CDKL3: variants seen among roughly 807,000 people sequenced by gnomAD.
The protein encoded by CDKL3 is cyclin-dependent kinase-like 3.
A neutral mutation model predicts 69.3 loss-of-function variants in CDKL3; 65 were observed. The observed-to-expected ratio is 0.94, with a 90% CI of 0.77 to 1.15. The LOEUF (loss-of-function observed/expected upper bound fraction) is 1.15. Among genes scored for constraint, CDKL3 ranks in the 50% most tolerant of loss-of-function variants. CDKL3 has a pLI of 0.00. For missense variants in CDKL3, 652 were observed against 689.2 expected (o/e 0.95, Z 0.61); for synonymous variants, 202 against 221.6 (o/e 0.91, Z 0.79).
chr5:134,363,585 C>T (rs530081284), intron 2 of CDKL3, among the ~76,000 whole-genome samples: 22 of 151,732 alleles, frequency 1.4e-4, no homozygotes, highest in Admixed American at 4.6e-4. Context: ...CTCAGCCTCC[C>T]GAGTAGCTGG....
intron 4 of CDKL3, among the ~76,000 whole-genome samples, chr5:134,339,258 A>G (rs368964663): frequency 6.0e-5 from 9 of 151,246 alleles, no homozygotes; most frequent in South Asian, 4.2e-4. Context: ...CTGGAGGGGG[A>G]AAAAAACCTC....
At chr5:134,309,039 T>C (rs1442954438) in intron 7 of CDKL3, among the ~76,000 whole-genome samples, 1 of 152,188 alleles carries the variant, frequency 6.6e-6, no homozygotes, top group Non-Finnish European at 1.5e-5. Flanking sequence ...TTGATAAAGA[T>C]ACTGTTATTT....
chr5:134,298,786 A>T (rs1580769719), intron 12 of CDKL3, 76 bp from the exon 13 acceptor site: 1 of 1,545,720 alleles, frequency 6.5e-7, no homozygotes, highest in East Asian at 2.3e-5. Flanking sequence ...TGACTTTATT[A>T]ATGCTAAATT....
chr5:134,294,762 AG>A (rs549336100), downstream of CDKL3, among the ~76,000 whole-genome samples: 596 of 152,274 alleles, frequency 3.9e-3, 2 homozygotes, highest in Non-Finnish European at 7.0e-3. Flanking sequence ...GCAAGGTCTC[AG>A]GATACAAGAT....
intron 8 of CDKL3, among the ~76,000 whole-genome samples, chr5:134,292,712 A>C (rs1765173642): frequency 6.6e-6 from 1 of 152,090 alleles, no homozygotes. Flanking sequence ...TAATAAAAAA[A>C]AGGAAGAGAG....
chr5:134,309,266 G>C (rs1173743453), intron 7 of CDKL3, among the ~76,000 whole-genome samples: 1 of 152,088 alleles, frequency 6.6e-6, no homozygotes, highest in East Asian at 1.9e-4. Context: ...ATTTTTAGTA[G>C]AGACGCGGTT....
rs543293323 is a variant in CDKL3, at chr5:134,346,530, CTTG to C, written c.539+3716_539+3718del. On this transcript the variant is annotated intron_variant, in intron 4 of 12. Transcript: ENST00000265334. The stretch of plus-strand genomic sequence containing the variant: ...TTTGTTTTTGAGACGGAGTTTCGCT[CTTG>C]TTGCCCAGGCTGAGGTGCTGCGGTG... 5.8e-3 allele frequency among the ~76,000 whole-genome samples: 881 copies of C among 152,284 alleles called. 3 individuals carry two copies. Among genetic ancestry groups the C allele is most frequent in the Middle Eastern group, 0.031 (9 of 294 alleles).
downstream of CDKL3, chr5:134,286,383 C>T (rs1764861895): frequency 5.8e-6 from 1 of 171,622 alleles, no homozygotes. Context: ...CTAGAAAGTT[C>T]CAAACTTTCC....
intron 1 of CDKL3, among the ~76,000 whole-genome samples, 179 bp downstream of exon 1, chr5:134,366,798 C>G (rs1379507281): frequency 6.6e-6 from 1 of 151,858 alleles, no homozygotes; most frequent in Non-Finnish European, 1.5e-5. Context: ...CCCATCAACA[C>G]TGAGACTACC....
chr5:134,299,617 T>A, intron 12 of CDKL3: 1 of 1,439,064 alleles, frequency 6.9e-7, no homozygotes, highest in Non-Finnish European at 9.2e-7. Context: ...CATTTTTGTG[T>A]ATGTAACATT....
rs182497366 is a variant in CDKL3 at position 134,351,605 on chromosome 5, A to G, written c.361-1178T>C. ...GCGTGTCTGTAGTCCTACAGCCTAC[A>G]GTATTAGGACTACTGGCTAATTAAA... On this transcript the variant is annotated intron_variant, in intron 3 of 12. Coordinates refer to ENST00000265334, the MANE Select transcript of CDKL3 (RefSeq NM_001113575.2). 2.2e-3 allele frequency among the ~76,000 whole-genome samples: 341 copies of G among 152,106 alleles called. 3 individuals are homozygous for G. The highest frequency in any genetic ancestry group is 3.5e-3 in the Non-Finnish European group (240 of 67,976).
At chr5:134,293,812 T>A (rs565825187), downstream of CDKL3, among the ~76,000 whole-genome samples, 193 of 151,212 alleles carry the variant, frequency 1.3e-3, 3 homozygotes, top group South Asian at 1.3e-3. Context: ...CAAAAAAAAA[T>A]TTTTTAAATA....
chr5:134,320,873 CAA>C (rs879614985), intron 5 of CDKL3, among the ~76,000 whole-genome samples: 1 of 115,620 alleles, frequency 8.6e-6, no homozygotes, highest in Admixed American at 9.1e-5. Flanking sequence ...GACTCCCTCT[CAA>C]AAAAAAAAAA....
chr5:134,344,846 G>A (rs893095427), intron 4 of CDKL3, among the ~76,000 whole-genome samples: 4 of 152,012 alleles, frequency 2.6e-5, no homozygotes, highest in East Asian at 3.9e-4. Flanking sequence ...GGTCGATCAC[G>A]AGGTCAGGAG....
intron 4 of CDKL3, among the ~76,000 whole-genome samples, chr5:134,340,595 G>C (rs1373442890): frequency 1.3e-5 from 2 of 152,138 alleles, no homozygotes; most frequent in South Asian, 4.1e-4. Context: ...TTTGCCAACA[G>C]ATTAGATAAC....
rs572275828 is a variant in CDKL3, at chr5:134,361,135, T to C, written c.166-1044A>G. Among the ~76,000 whole-genome samples the C allele has an allele frequency of 7.9e-5, 12 of 152,360 alleles. No homozygotes were observed. In the South Asian group the frequency reaches 2.1e-3, roughly 26 times the overall value. On this transcript the variant is annotated intron_variant, in intron 2 of 12. Coordinates refer to ENST00000265334, the MANE Select transcript of CDKL3 (RefSeq NM_001113575.2). ...GAAACAAATGAGATTTAATATTGTA[T>C]GCTACTTATTCTATTTTTCATCACA...
chr5:134,336,175 G>A lies in CDKL3; in HGVS notation c.539+14074C>T, dbSNP rs558067268. On this transcript the variant is annotated intron_variant, in intron 4 of 12. Coordinates refer to ENST00000265334, the MANE Select transcript of CDKL3 (RefSeq NM_001113575.2). ...CGTACTGTGGTTTTCAGCTCCATCA[G>A]GTCATTTAAGCTCTTCTCTATACTG... is the stretch of plus-strand genomic sequence containing the variant. Among the ~76,000 whole-genome samples, 6 of 152,242 alleles carry A rather than the reference G, an allele frequency of 3.9e-5. No homozygotes were observed. In the South Asian group the frequency reaches 1.0e-3, roughly 26 times the overall value.
Position 134,350,402 on chromosome 5 carries a change from T to C in CDKL3, c.386A>G (p.Glu129Gly). 1 of 1,564,602 alleles carries C rather than the reference T, an allele frequency of 6.4e-7. No individual in the cohort carries two copies. Among genetic ancestry groups the C allele is most frequent in the Non-Finnish European group, 8.7e-7 (1 of 1,153,490 alleles). Reference protein sequence around the residue: ...NNIIHRDIKPENILVSQSGIT... With the variant: ...NNIIHRDIKPGNILVSQSGIT... ...TCCTGACTGGGATACTAAAATATTC[T>C]CAGGTTTTATATCTCGATGAATGAT... is the stretch of plus-strand genomic sequence containing the variant. The change falls in exon 4 of 13, where the codon GAG becomes GGG. Residue 129 changes from glutamate (E) to glycine (G), a missense_variant. Transcript: ENST00000265334.
chr5:134,363,355 G>A (rs554753730), intron 2 of CDKL3, among the ~76,000 whole-genome samples: 2 of 151,826 alleles, frequency 1.3e-5, no homozygotes, highest in East Asian at 1.9e-4. Context: ...GTGCAGTGGC[G>A]TGGTCTCGGC....
Sources: gnomAD v4.1 joint callset for allele counts (sites outside exome capture counted in the v4.1 genomes callset) on GRCh38, gnomAD v4.1.1 for gene constraint, MANE v1.5 for transcripts, NCBI Gene and HGNC (gene_info 2026-07-23, HGNC 2026-07-21) for gene names.